Variants in LRBA observed in about 807,000 individuals in gnomAD.
LRBA encodes the protein lipopolysaccharide-responsive and beige-like anchor protein.
Under a neutral mutation model 330.0 loss-of-function variants are expected in LRBA, and 176 were observed. That is an observed-to-expected ratio of 0.53 (90% confidence interval 0.47 to 0.60). The LOEUF (loss-of-function observed/expected upper bound fraction) is 0.60. LRBA is among the 20% of genes least tolerant of loss of function. LRBA has a pLI of 0.00. For synonymous variants in LRBA, 1,230 were observed against 1,193.0 expected, an observed-to-expected ratio of 1.03 and a Z score of -0.64; for missense variants, 3,259 against 3,444.8, an observed-to-expected ratio of 0.95 and a Z score of 1.35.
chr4:150,575,156 T>A (rs890994763), intron 40 of LRBA, among the ~76,000 whole-genome samples: 1 of 151,968 alleles, frequency 6.6e-6, no homozygotes, highest in Non-Finnish European at 1.5e-5. Flanking sequence ...CTGTTTTATA[T>A]CCTAGCTTTA....
intron 37 of LRBA, among the ~76,000 whole-genome samples, chr4:150,652,294 G>A (rs1330482800): frequency 6.6e-6 from 1 of 151,918 alleles, no homozygotes; most frequent in Non-Finnish European, 1.5e-5. Context: ...AGGATCCAAG[G>A]TCCATAAAAT....
chr4:150,921,623 T>C (rs1453715802), intron 4 of LRBA, among the ~76,000 whole-genome samples: 1 of 152,018 alleles, frequency 6.6e-6, no homozygotes, highest in Non-Finnish European at 1.5e-5. Context: ...CTGGAGTCCA[T>C]GTGCAGTGGC....
rs183006153 is a variant in LRBA at position 150,314,526 on chromosome 4, A to C, written c.7693+1035T>G. Among the ~76,000 whole-genome samples, 526 of 152,250 alleles carry C rather than the reference A, an allele frequency of 3.5e-3. 7 individuals carry two copies. The highest frequency in any genetic ancestry group is 0.012 in the African/African-American group (490 of 41,552). The stretch of plus-strand genomic sequence containing the variant: ...TAAAGACAAAAATGGTAACTATATA[A>C]AGGGAACATCTTGGATTTTAAAATA... On this transcript the variant is annotated intron_variant, in intron 51 of 56. Transcript: ENST00000651943.
At position 150,964,690 on chromosome 4, in the gene LRBA, G is replaced by A. The variant is rs570226176; in HGVS notation, c.217-35625C>T. Among the ~76,000 whole-genome samples the A allele has an allele frequency of 1.6e-4, 25 of 151,994 alleles. 1 individual carries two copies. The South Asian group carries it at 5.2e-3, about 32-fold the overall frequency. ...ACCCAGGGACACAAACACTGCAGAA[G>A]GCGGCAGGGCCCTCTGCCTAGGAAA... On this transcript the variant is annotated intron_variant, in intron 2 of 56. Transcript: ENST00000651943.
intron 48 of LRBA, among the ~76,000 whole-genome samples, chr4:150,326,101 A>G (rs555797346): frequency 3.9e-5 from 6 of 152,278 alleles, no homozygotes; most frequent in African/African-American, 1.4e-4. Context: ...TGTTCCTCTA[A>G]AACTCTGCAA....
chr4:150,797,480 G>A (rs1740959481), intron 34 of LRBA, among the ~76,000 whole-genome samples: 1 of 151,298 alleles, frequency 6.6e-6, no homozygotes, highest in Admixed American at 6.6e-5. Flanking sequence ...AACCTCACAG[G>A]ATACATGATT....
intron 47 of LRBA, among the ~76,000 whole-genome samples, chr4:150,368,677 T>C (rs759930620): frequency 1.3e-5 from 2 of 152,228 alleles, no homozygotes; most frequent in Non-Finnish European, 2.9e-5. Flanking sequence ...ATATTTCACT[T>C]AATCATCCTT....
chr4:150,790,253 C>T (rs892743045), intron 34 of LRBA, among the ~76,000 whole-genome samples: 1 of 152,172 alleles, frequency 6.6e-6, no homozygotes, highest in Non-Finnish European at 1.5e-5. Context: ...ACTGCCAGTT[C>T]CACAAAATTT....
chr4:150,353,224 AACTTAT>A (rs1232316377), intron 47 of LRBA, among the ~76,000 whole-genome samples: 1 of 152,144 alleles, frequency 6.6e-6, no homozygotes, highest in African/African-American at 2.4e-5. Flanking sequence ...TCTTAGAAAG[AACTTAT>A]ACTTATTTAT....
In LRBA at chr4:150,654,368, T is replaced by C. The variant is rs1382915448; in HGVS notation, c.5921+29183A>G. 2.0e-5 allele frequency among the ~76,000 whole-genome samples: 3 copies of C among 152,076 alleles called. No homozygotes were observed. In the East Asian group the frequency reaches 5.8e-4, roughly 29 times the overall value. Reference sequence around the variant, plus strand: ...TGCCTGGCTAATTTTTATATTTTTTTAGTAGAGATGGGGCTTCACCACATT... The same window carrying C: ...TGCCTGGCTAATTTTTATATTTTTTCAGTAGAGATGGGGCTTCACCACATT... On this transcript the variant is annotated intron_variant, in intron 37 of 56. Transcript: ENST00000651943.
intron 40 of LRBA, among the ~76,000 whole-genome samples, chr4:150,500,454 G>A (rs1250187901): frequency 2.6e-5 from 4 of 152,034 alleles, no homozygotes; most frequent in Non-Finnish European, 2.9e-5. Context: ...GCGGGCGCCT[G>A]TAATCCCAGC....
In LRBA at chr4:150,282,519, G is replaced by A. The variant is rs769184419; in HGVS notation, c.8247C>T (p.Asn2749=). Residue 2749 remains asparagine (N), a synonymous_variant, in exon 55 of 57, where the codon AAC becomes AAT. Coordinates refer to ENST00000651943, the MANE Select transcript of LRBA (RefSeq NM_001364905.1). ...REGHCVIFYE[N]GLFCTFSVNG... ...TCACACTGAATGTACAGAAGAGGCC[G>A]TTTTCATAGAATATGACACAATGAC... 1.7e-5 allele frequency: 27 copies of A among 1,614,120 alleles called. No homozygotes were observed. The South Asian group carries it at 2.3e-4, about 14-fold the overall frequency.
intron 40 of LRBA, chr4:150,582,989 A>G (rs1771592396): frequency 1.3e-6 from 2 of 1,537,204 alleles, no homozygotes; most frequent in Admixed American, 4.0e-5. Context: ...CCCTCAACGT[A>G]TTGCGAGACG....
intron 4 of LRBA, among the ~76,000 whole-genome samples, chr4:150,925,556 A>T (rs985831019): frequency 6.6e-6 from 1 of 152,212 alleles, no homozygotes; most frequent in African/African-American, 2.4e-5. Flanking sequence ...ATAACCCTAT[A>T]TCCCAAACTA....
chr4:150,266,425 G>A (rs915523828), intron 56 of LRBA, among the ~76,000 whole-genome samples: 1 of 152,214 alleles, frequency 6.6e-6, no homozygotes, highest in East Asian at 1.9e-4. Flanking sequence ...AAGAACTTCT[G>A]CAAGCTTCTT....
In LRBA at chr4:150,963,019, T is replaced by TAA. The variant is rs35571039; in HGVS notation, c.217-33956_217-33955dup. Among the ~76,000 whole-genome samples the TAA allele has an allele frequency of 1.6e-4, 22 of 141,274 alleles. 4 individuals are homozygous for TAA. Among genetic ancestry groups the TAA allele is most frequent in the African/African-American group, 6.3e-4 (22 of 35,062 alleles). 92.7% of individuals were successfully genotyped at this position (141,274 alleles called of 152,430 possible). A position where few individuals can be genotyped will look rare whatever the true frequency, so the allele number is the denominator to read the frequency against. On this transcript the variant is annotated intron_variant, in intron 2 of 56. Transcript: ENST00000651943. ...TAAAATAAAATAAAAAGCTTTTTAT[T>TAA]AAAAAAAAAAACACCACTAGTCAAG...
intron 40 of LRBA, among the ~76,000 whole-genome samples, chr4:150,532,762 CT>C (rs1273457643): frequency 1.3e-5 from 2 of 151,766 alleles, no homozygotes; most frequent in African/African-American, 2.4e-5. Flanking sequence ...AGTATAATCA[CT>C]GAAAGAAATT....
chr4:150,415,181 C>T (rs534863229), intron 47 of LRBA, among the ~76,000 whole-genome samples: 14 of 150,802 alleles, frequency 9.3e-5, no homozygotes, highest in Middle Eastern at 3.4e-3. Flanking sequence ...TTCTAACTTT[C>T]GCTTAAAATT....
At chr4:150,559,685 T>A (rs1292830283) in intron 40 of LRBA, among the ~76,000 whole-genome samples, 6 of 63,750 alleles carry the variant, frequency 9.4e-5, no homozygotes, top group South Asian at 3.2e-4. Context: ...TATAATATAT[T>A]ATATTATATA....
Sources: gnomAD v4.1 joint callset for allele counts (sites outside exome capture counted in the v4.1 genomes callset) on GRCh38, gnomAD v4.1.1 for gene constraint, MANE v1.5 for transcripts, NCBI Gene and HGNC (gene_info 2026-07-23, HGNC 2026-07-21) for gene names.